The following MAGI2 variants were observed in gnomAD, a reference collection of about 807,000 sequenced individuals.
The protein encoded by MAGI2 is membrane-associated guanylate kinase, WW and PDZ domain-containing protein 2.
A neutral mutation model predicts 133.3 loss-of-function variants in MAGI2; 35 were observed. That is an observed-to-expected ratio of 0.26 (90% CI 0.20 to 0.35). The LOEUF is 0.35. MAGI2 is among the 10% of genes least tolerant of loss of function. The probability of loss-of-function intolerance (pLI) is 1.00; values close to 1 mark genes in which losing one functional copy is unlikely to be tolerated. For missense variants in MAGI2, 1,636 were observed against 1,863.4 expected (o/e 0.88, Z 2.25); for synonymous variants, 729 against 710.6 (o/e 1.03, Z -0.41).
chr7:78,983,388 G>A (rs138091955), intron 2 of MAGI2, among the ~76,000 whole-genome samples: 27 of 151,812 alleles, frequency 1.8e-4, no homozygotes, highest in African/African-American at 6.5e-4. Flanking sequence ...TTTTAAGAGT[G>A]GGGCTCTTTA....
intron 1 of MAGI2, among the ~76,000 whole-genome samples, chr7:79,358,431 G>A (rs1842166196): frequency 6.6e-6 from 1 of 152,048 alleles, no homozygotes; most frequent in Non-Finnish European, 1.5e-5. Flanking sequence ...TTGCACAAGG[G>A]AGCAAGAGTA....
intron 21 of MAGI2, among the ~76,000 whole-genome samples, chr7:78,046,427 G>A (rs1285546881): frequency 6.6e-6 from 1 of 150,882 alleles, no homozygotes. Flanking sequence ...AAAAACAAAG[G>A]AATGTGTCCA....
At chr7:79,198,272 C>CGAT (rs1828270970) in intron 1 of MAGI2, among the ~76,000 whole-genome samples, 22 of 150,166 alleles carry the variant, frequency 1.5e-4, no homozygotes, top group Admixed American at 7.9e-4. Context: ...AAACAAACAA[C>CGAT]AACAACAACA....
Position 79,129,672 on chromosome 7 carries a change from A to C in MAGI2, c.302-122466T>G, listed in dbSNP as rs78472112. ...TTTAAATACGATGCTTGCAGAAAAT[A>C]AGTCTCACTGCTTTAACAGAATAGG... On this transcript the variant is annotated intron_variant, in intron 1 of 21. Coordinates refer to ENST00000354212, the MANE Select transcript of MAGI2 (RefSeq NM_012301.4). 0.014 allele frequency among the ~76,000 whole-genome samples: 2,056 copies of C among 151,108 alleles called. 96 individuals are homozygous for C. In the East Asian group the frequency reaches 0.15, roughly 11 times the overall value.
chr7:78,572,937 C>CGG (rs1057424058), intron 3 of MAGI2, among the ~76,000 whole-genome samples: 1 of 148,188 alleles, frequency 6.7e-6, no homozygotes, highest in African/African-American at 2.5e-5. Flanking sequence ...CAGGCATGAG[C>CGG]CACCATGCCT....
chr7:78,580,854 C>G (rs1488853476), intron 3 of MAGI2, among the ~76,000 whole-genome samples: 2 of 152,182 alleles, frequency 1.3e-5, no homozygotes. Flanking sequence ...TTCTGTCTGT[C>G]CTGTCTGGGT....
At chr7:78,275,689 T>C (rs1267940849) in intron 9 of MAGI2, among the ~76,000 whole-genome samples, 2 of 152,234 alleles carry the variant, frequency 1.3e-5, no homozygotes, top group African/African-American at 2.4e-5. Context: ...TACGAAATGC[T>C]GAAGCTTTGA....
At chr7:78,525,580 T>C (rs533906304) in intron 3 of MAGI2, among the ~76,000 whole-genome samples, 7 of 152,310 alleles carry the variant, frequency 4.6e-5, no homozygotes, top group African/African-American at 1.7e-4. Context: ...GCATAGTGCC[T>C]GGATATAGAA....
At chr7:79,299,918 C>A (rs1020700032) in intron 1 of MAGI2, among the ~76,000 whole-genome samples, 1 of 152,146 alleles carries the variant, frequency 6.6e-6, no homozygotes, top group Non-Finnish European at 1.5e-5. Context: ...TCTGCTTTCA[C>A]TATGTGAAGT....
At chr7:78,913,296 C>T (rs1469004186) in intron 2 of MAGI2, among the ~76,000 whole-genome samples, 1 of 152,060 alleles carries the variant, frequency 6.6e-6, no homozygotes, top group Non-Finnish European at 1.5e-5. Context: ...CCCCTTGGTG[C>T]TGTTCTCATG....
At chr7:78,460,987 T>TA (rs1789923652) in intron 6 of MAGI2, among the ~76,000 whole-genome samples, 1 of 151,830 alleles carries the variant, frequency 6.6e-6, no homozygotes, top group Non-Finnish European at 1.5e-5. Context: ...CCCTTCTTTT[T>TA]AAAAAATCTT....
chr7:78,396,837 G>C (rs1274093123), intron 6 of MAGI2, among the ~76,000 whole-genome samples: 1 of 152,158 alleles, frequency 6.6e-6, no homozygotes, highest in African/African-American at 2.4e-5. Flanking sequence ...GAAAAGAACA[G>C]AGAGAGAAAT....
At chr7:78,445,140 G>T (rs553227177) in intron 6 of MAGI2, among the ~76,000 whole-genome samples, 101 of 151,926 alleles carry the variant, frequency 6.6e-4, no homozygotes, top group African/African-American at 2.3e-3. Context: ...AGACCTAACG[G>T]CTCTAGCTTA....
At chr7:78,814,782 C>CT (rs1218816676) in intron 2 of MAGI2, among the ~76,000 whole-genome samples, 1 of 152,048 alleles carries the variant, frequency 6.6e-6, no homozygotes, top group East Asian at 1.9e-4. Context: ...AAGTGCAGTG[C>CT]TGCAATCATG....
intron 9 of MAGI2, among the ~76,000 whole-genome samples, chr7:78,266,534 A>G (rs1794024900): frequency 6.6e-6 from 1 of 151,898 alleles, no homozygotes; most frequent in Admixed American, 6.6e-5. Flanking sequence ...GGAAAGTAGA[A>G]TTTAGTTTCT....
chr7:78,196,302 C>T (rs929498136), intron 11 of MAGI2, among the ~76,000 whole-genome samples: 18 of 152,010 alleles, frequency 1.2e-4, no homozygotes, highest in African/African-American at 4.3e-4. Context: ...CTGTGATTAC[C>T]ACGAGTCTAC....
chr7:78,614,559 ATATC>A (rs1400430750), intron 3 of MAGI2: 2 of 152,296 alleles, frequency 1.3e-5, no homozygotes, highest in East Asian at 1.9e-4. Flanking sequence ...TAATTGTAAA[ATATC>A]TAATCACTTT....
chr7:79,094,554 T>A (rs928809511), intron 1 of MAGI2, among the ~76,000 whole-genome samples: 5 of 152,224 alleles, frequency 3.3e-5, no homozygotes, highest in African/African-American at 1.2e-4. Context: ...TCAATTTACT[T>A]TGCCCAGGTC....
intron 2 of MAGI2, among the ~76,000 whole-genome samples, chr7:78,975,604 C>A (rs1225853417): frequency 6.6e-6 from 1 of 151,626 alleles, no homozygotes; most frequent in East Asian, 2.0e-4. Flanking sequence ...AGCTAAATTT[C>A]TCTCCTTAGG....
Sources: gnomAD v4.1 joint callset for allele counts (sites outside exome capture counted in the v4.1 genomes callset) on GRCh38, gnomAD v4.1.1 for gene constraint, MANE v1.5 for transcripts, NCBI Gene and HGNC (gene_info 2026-07-23, HGNC 2026-07-21) for gene names.